Variants in KIFC1 observed in about 807,000 individuals in gnomAD.
KIFC1 encodes kinesin family member C1, also known as kinesin-like protein KIFC1.
KIFC1 carries 37 observed loss-of-function variants against 66.6 expected under a neutral mutation model. The ratio of observed to expected loss-of-function variants is 0.56; its 90% CI spans 0.43 to 0.73. The LOEUF (loss-of-function observed/expected upper bound fraction) is 0.73. Among genes scored for constraint, KIFC1 ranks in the 30% least tolerant of loss-of-function variants. The pLI is 0.00. For missense variants in KIFC1, 721 were observed against 859.8 expected (o/e 0.84, Z 2.02); for synonymous variants, 325 against 343.5 (o/e 0.95, Z 0.60).
At position 33,392,000 on chromosome 6, in the gene KIFC1, G is replaced by A; in HGVS notation, c.12+3G>A. On this transcript the variant is annotated splice_donor_region_variant and intron_variant, in intron 1 of 10. Transcript: ENST00000428849. ...CCGAGGTGGACATGGATCCGCAGGT[G>A]AGTAGGGGCGGCGCAGGTGTCCTGC... The A allele has an allele frequency of 6.2e-7, 1 of 1,613,918 alleles. No individual in the cohort carries two copies. The highest frequency in any genetic ancestry group is 8.5e-7 in the Non-Finnish European group (1 of 1,179,940).
At chr6:33,397,922 T>A in intron 1 of KIFC1, 107 bp from the exon 2 acceptor site, 1 of 1,176,252 alleles carries the variant, frequency 8.5e-7, no homozygotes, top group South Asian at 1.3e-5. Context: ...CAAGTGGTGC[T>A]CAGTGCTTGG....
rs1426255491 is a variant in KIFC1 at position 33,406,224 on chromosome 6, A to G, written c.1565A>G (p.Gln522Arg). The G allele has an allele frequency of 3.1e-6, 5 of 1,608,730 alleles. No homozygotes were observed. The East Asian group carries it at 1.1e-4, about 36-fold the overall frequency. Reference sequence around the variant, plus strand: ...GACGCCCTGCTTCATCTGGCCCGCCAGAATCGGGCTGTGGCCCGCACAGCC... The same window carrying G: ...GACGCCCTGCTTCATCTGGCCCGCCGGAATCGGGCTGTGGCCCGCACAGCC... Reference protein sequence around the residue: ...EVDALLHLARQNRAVARTAQN... With the variant: ...EVDALLHLARRNRAVARTAQN... Residue 522 changes from glutamine to arginine, a missense_variant, in exon 8 of 11, where the codon CAG becomes CGG. Transcript: ENST00000428849. This position sits in a 1 kb window ranked among gnomAD's most constrained non-coding sequence, Gnocchi z 4.5.
Position 33,403,843 on chromosome 6 carries a change from C to G in KIFC1, c.470C>G (p.Thr157Ser). The G allele has an allele frequency of 6.2e-7, 1 of 1,614,220 alleles. No individual in the cohort carries two copies. Among genetic ancestry groups the G allele is most frequent in the Non-Finnish European group, 8.5e-7 (1 of 1,180,048 alleles). Residue 157 changes from threonine to serine, a missense_variant, in exon 6 of 11, where the codon ACT becomes AGT. Thr to Ser is a moderately conservative substitution (Grantham distance 58, BLOSUM62 1). Transcript: ENST00000428849. This position sits in a 1 kb window ranked among gnomAD's most constrained non-coding sequence, Gnocchi z 4.6. ...NAELKRCRERTQTLDQENQQL... is the reference protein window; with the variant it reads ...NAELKRCRERSQTLDQENQQL... Reference sequence around the variant, plus strand: ...GAACTAAAACGGTGCCGTGAGAGGACTCAAACGTTGGACCAAGAGAACCAG... The same window carrying G: ...GAACTAAAACGGTGCCGTGAGAGGAGTCAAACGTTGGACCAAGAGAACCAG...
At chr6:33,391,778 T>C, upstream of KIFC1, 1 of 656,408 alleles carries the variant, frequency 1.5e-6, no homozygotes. Context: ...ACAGCGACGA[T>C]TGGTCCCTGC....
intron 1 of KIFC1, among the ~76,000 whole-genome samples, chr6:33,396,912 G>C (rs1775073106): frequency 6.6e-6 from 1 of 151,024 alleles, no homozygotes; most frequent in South Asian, 2.1e-4. Flanking sequence ...TTGATCTCCT[G>C]ACCTTGTGAT....
intron 1 of KIFC1, among the ~76,000 whole-genome samples, chr6:33,395,704 T>C (rs539600067): frequency 3.3e-5 from 5 of 152,332 alleles, no homozygotes; most frequent in Admixed American, 2.6e-4. Flanking sequence ...GAGGTAGGTC[T>C]GTAGCAGATC....
rs533390421 is a variant in KIFC1, at chr6:33,403,592, G to T, written c.355+57G>T. ...GCTGGGATAGGGAAGAGAAGATGGTGAGTGACCAGAAAAATCCATTTGGTC... is the reference window on the plus strand; with the variant it reads ...GCTGGGATAGGGAAGAGAAGATGGTTAGTGACCAGAAAAATCCATTTGGTC... On this transcript the variant is annotated intron_variant, in intron 5 of 10. Transcript: ENST00000428849. This position sits in a 1 kb window ranked among gnomAD's most constrained non-coding sequence, Gnocchi z 4.6. 6.3e-7 allele frequency: 1 copy of T among 1,593,948 alleles called. No individual in the cohort carries two copies. The highest frequency in any genetic ancestry group is 8.6e-7 in the Non-Finnish European group (1 of 1,161,854).
At position 33,403,194 on chromosome 6, in the gene KIFC1, A is replaced by G. The variant is rs1775462496; in HGVS notation, c.251-120A>G. The stretch of plus-strand genomic sequence containing the variant: ...AGCTGGCCAGACTTAGGGATAAGGG[A>G]AGGAAGTTATCCTATTTCTAATTCT... On this transcript the variant is annotated intron_variant, in intron 3 of 10. Transcript: ENST00000428849. This position sits in a 1 kb window ranked among gnomAD's most constrained non-coding sequence, Gnocchi z 4.6. The G allele has an allele frequency of 9.9e-6, 9 of 912,376 alleles. No homozygotes were observed. The highest frequency in any genetic ancestry group is 1.1e-5 in the Non-Finnish European group (6 of 565,154). 56.5% of individuals were successfully genotyped at this position (912,376 alleles called of 1,614,324 possible).
intron 10 of KIFC1, among the ~76,000 whole-genome samples, chr6:33,407,430 T>C (rs1398927610): frequency 6.6e-6 from 1 of 151,930 alleles, no homozygotes; most frequent in Non-Finnish European, 1.5e-5. Flanking sequence ...ACACAAAAAA[T>C]CCCTAAGATT....
chr6:33,407,911 C>T (rs942558749), intron 10 of KIFC1, among the ~76,000 whole-genome samples: 4 of 152,226 alleles, frequency 2.6e-5, no homozygotes, highest in African/African-American at 9.6e-5. Context: ...TATTTGAGGT[C>T]TGATCAGGTC....
Position 33,391,869 on chromosome 6 carries a change from G to T in KIFC1, c.-117G>T. The T allele has an allele frequency of 2.4e-6, 3 of 1,267,918 alleles. No homozygotes were observed. The highest frequency in any genetic ancestry group is 2.9e-5 in the African/African-American group (2 of 68,502). The allele number at this position is 1,267,918 out of a possible 1,614,324, so 78.5% of individuals were successfully genotyped here. ...TGGCGCGGGGCTGGTAGCGGCCGGA[G>T]CCGTGCGAGTTCTCTACCCTGCTTC... On this transcript the variant is annotated 5_prime_UTR_variant, in exon 1 of 11. Transcript: ENST00000428849.
rs1399300359 is a variant in KIFC1 at position 33,404,373 on chromosome 6, G to A, written c.756+244G>A. On this transcript the variant is annotated intron_variant, in intron 6 of 10. Coordinates refer to ENST00000428849, the MANE Select transcript of KIFC1 (RefSeq NM_002263.4). This position sits in a 1 kb window ranked among gnomAD's most constrained non-coding sequence, Gnocchi z 4.0. The stretch of plus-strand genomic sequence containing the variant: ...GTTTGCAAAGCTCTCATTTAGATCT[G>A]TGTCTTTCTTAGTCCTCCATCCCTC... Among the ~76,000 whole-genome samples the A allele has an allele frequency of 2.6e-5, 4 of 152,140 alleles. No homozygotes were observed. Among genetic ancestry groups the A allele is most frequent in the African/African-American group, 7.2e-5 (3 of 41,428 alleles).
rs199749552 is a variant in KIFC1, at chr6:33,396,436, C to CTTT, written c.13-1576_13-1574dup. ...TTTTTCTTTTTCTTTCTTTTCTTTT[C>CTTT]TTTTTTTTTTTTTTTTTTTGAGACA... On this transcript the variant is annotated intron_variant, in intron 1 of 10. Transcript: ENST00000428849. Among the ~76,000 whole-genome samples the CTTT allele has an allele frequency of 1.8e-4, 21 of 116,250 alleles. 1 individual carries two copies. Among genetic ancestry groups the CTTT allele is most frequent in the African/African-American group, 5.6e-4 (16 of 28,576 alleles). 76.3% of individuals were successfully genotyped at this position (116,250 alleles called of 152,430 possible).
chr6:33,396,140 T>A lies in KIFC1; in HGVS notation c.13-1889T>A, dbSNP rs992818469. On this transcript the variant is annotated intron_variant, in intron 1 of 10. Transcript: ENST00000428849. ...GTGTATCAGGTTGTTTCATGATTTT[T>A]AAAAATAATGATGCTCTGTGAACTT... is the stretch of plus-strand genomic sequence containing the variant. Among the ~76,000 whole-genome samples the A allele has an allele frequency of 1.6e-4, 24 of 152,354 alleles. No homozygotes were observed. The East Asian group carries it at 4.0e-3, about 26-fold the overall frequency.
In KIFC1 at chr6:33,403,224, A is replaced by G; in HGVS notation, c.251-90A>G. On this transcript the variant is annotated intron_variant, in intron 3 of 10. Coordinates refer to ENST00000428849, the MANE Select transcript of KIFC1 (RefSeq NM_002263.4). This position sits in a 1 kb window ranked among gnomAD's most constrained non-coding sequence, Gnocchi z 4.6. ...AGTTATCCTATTTCTAATTCTGAGA[A>G]AAGCACTTCTTCTGCCCCTGTCCTA... is the stretch of plus-strand genomic sequence containing the variant. 1 of 1,203,232 alleles carries G rather than the reference A, an allele frequency of 8.3e-7. No homozygotes were observed. The highest frequency in any genetic ancestry group is 1.2e-5 in the South Asian group (1 of 81,964). The allele number at this position is 1,203,232 out of a possible 1,614,324, so 74.5% of individuals were successfully genotyped here.
chr6:33,397,740 T>C (rs1775130263), intron 1 of KIFC1, among the ~76,000 whole-genome samples: 1 of 152,364 alleles, frequency 6.6e-6, no homozygotes, highest in South Asian at 2.1e-4. Flanking sequence ...AGCCATGCTA[T>C]GTACATATTT....
Position 33,405,147 on chromosome 6 carries a change from C to A in KIFC1, c.1052C>A (p.Ser351Tyr). 1 of 1,614,142 alleles carries A rather than the reference C, an allele frequency of 6.2e-7. No homozygotes were observed. Among genetic ancestry groups the A allele is most frequent in the Non-Finnish European group, 8.5e-7 (1 of 1,180,026 alleles). Residue 351 changes from serine (S) to tyrosine (Y), a missense_variant, in exon 7 of 11, where the codon TCC becomes TAC. Transcript: ENST00000428849. This position sits in a 1 kb window ranked among gnomAD's most constrained non-coding sequence, Gnocchi z 5.4. ...PSDPPTRLSL[S>Y]RSDERRGTLS... The stretch of plus-strand genomic sequence containing the variant: ...GATCCTCCAACCCGCCTTAGCCTCT[C>A]CCGGTCTGACGAGCGGCGTGGGACC...
Position 33,391,881 on chromosome 6 carries a change from C to T in KIFC1, c.-105C>T, listed in dbSNP as rs1774799015. 2 of 1,433,200 alleles carry T rather than the reference C, an allele frequency of 1.4e-6. No individual in the cohort carries two copies. Among genetic ancestry groups the T allele is most frequent in the African/African-American group, 2.8e-5 (2 of 71,684 alleles). The allele number at this position is 1,433,200 out of a possible 1,614,324, so 88.8% of individuals were successfully genotyped here. A position where few individuals can be genotyped will look rare whatever the true frequency, so the allele number is the denominator to read the frequency against. ...GGTAGCGGCCGGAGCCGTGCGAGTTCTCTACCCTGCTTCGCGAGCGGGCGA... is the reference window on the plus strand; with the variant it reads ...GGTAGCGGCCGGAGCCGTGCGAGTTTTCTACCCTGCTTCGCGAGCGGGCGA... On this transcript the variant is annotated 5_prime_UTR_variant, in exon 1 of 11. Coordinates refer to ENST00000428849, the MANE Select transcript of KIFC1 (RefSeq NM_002263.4).
Position 33,401,203 on chromosome 6 carries a change from C to T in KIFC1, c.251-2111C>T, listed in dbSNP as rs1203739864. On this transcript the variant is annotated intron_variant, in intron 3 of 10. Coordinates refer to ENST00000428849, the MANE Select transcript of KIFC1 (RefSeq NM_002263.4). This position sits in a 1 kb window ranked among gnomAD's most constrained non-coding sequence, Gnocchi z 4.5. ...AGGCTGGAGTGCAATGGCGTGATCT[C>T]GGCTCAGTGTAACCTCCGCCTCCTG... 6.6e-6 allele frequency among the ~76,000 whole-genome samples: 1 copy of T among 152,046 alleles called. No homozygotes were observed. Among genetic ancestry groups the T allele is most frequent in the Admixed American group, 6.5e-5 (1 of 15,272 alleles).
Sources: allele counts gnomAD v4.1 joint callset (sites outside exome capture counted in the v4.1 genomes callset), GRCh38; gene constraint gnomAD v4.1.1; non-coding constraint Gnocchi (gnomAD v3.1); transcripts MANE v1.5; gene names NCBI Gene and HGNC (gene_info 2026-07-23, HGNC 2026-07-21).